The following CSPP1 variants were observed in gnomAD, a reference collection of about 807,000 sequenced individuals.
CSPP1 encodes the protein centrosome and spindle pole-associated protein 1.
A neutral mutation model predicts 164.4 loss-of-function variants in CSPP1; 126 were observed. That is an observed-to-expected ratio of 0.77 (90% confidence interval 0.66 to 0.89). The LOEUF is 0.89. Ranked by LOEUF, CSPP1 falls within the 40% of genes least tolerant of loss-of-function variation. CSPP1 has a pLI of 0.00. For missense variants in CSPP1, 1,395 were observed against 1,449.8 expected (o/e 0.96, Z 0.61); for synonymous variants, 472 against 476.7 (o/e 0.99, Z 0.13).
At chr8:67,126,900 A>G (rs1357019406) in intron 15 of CSPP1, among the ~76,000 whole-genome samples, 1 of 152,090 alleles carries the variant, frequency 6.6e-6, no homozygotes, top group African/African-American at 2.4e-5. Context: ...GTCTGGTAAA[A>G]TATAGGCTCT....
Position 67,137,455 on chromosome 8 carries a change from G to C in CSPP1, c.1828-1G>C. 6.7e-7 allele frequency: 1 copy of C among 1,497,420 alleles called. No homozygotes were observed. The highest frequency in any genetic ancestry group is 9.0e-7 in the Non-Finnish European group (1 of 1,105,584). The allele number at this position is 1,497,420 out of a possible 1,614,324, so 92.8% of individuals were successfully genotyped here. ...TTTTAAATATATCTTATGTTGTCAAGATTCGGGAAAGAGAAGAAAGAAGGA... is the reference window on the plus strand; with the variant it reads ...TTTTAAATATATCTTATGTTGTCAACATTCGGGAAAGAGAAGAAAGAAGGA... On this transcript the variant is annotated splice_acceptor_variant, in intron 16 of 30. Transcript: ENST00000678616. LOFTEE classifies it high-confidence loss of function.
chr8:67,093,156 A>G (rs1246402969), intron 5 of CSPP1, among the ~76,000 whole-genome samples: 1 of 152,236 alleles, frequency 6.6e-6, no homozygotes, highest in Non-Finnish European at 1.5e-5. Flanking sequence ...TTGGGAATCA[A>G]ACCTGGAATC....
At chr8:67,106,789 A>G (rs1486664901) in intron 9 of CSPP1, among the ~76,000 whole-genome samples, 1 of 152,226 alleles carries the variant, frequency 6.6e-6, no homozygotes, top group East Asian at 1.9e-4. Context: ...TGAAGAAATT[A>G]ACACTCTAGA....
intron 4 of CSPP1, among the ~76,000 whole-genome samples, chr8:67,086,621 G>T (rs960940563): frequency 7.2e-5 from 11 of 151,980 alleles, no homozygotes; most frequent in South Asian, 2.1e-4. Flanking sequence ...GCCAAAGTAA[G>T]GTTTATTGTA....
intron 7 of CSPP1, among the ~76,000 whole-genome samples, chr8:67,100,974 A>G (rs1813962275): frequency 6.6e-6 from 1 of 152,116 alleles, no homozygotes; most frequent in Non-Finnish European, 1.5e-5. Context: ...TCACAGTTAT[A>G]ATTTATTACA....
intron 27 of CSPP1, among the ~76,000 whole-genome samples, 174 bp downstream of exon 27, chr8:67,177,900 CATATT>C (rs1832081324): frequency 6.6e-6 from 1 of 152,062 alleles, no homozygotes; most frequent in Non-Finnish European, 1.5e-5. Context: ...ATATAGAAAA[CATATT>C]GTAATGGCTA....
rs761602177 is a variant in CSPP1 at position 67,190,713 on chromosome 8, C to T, written c.3284C>T (p.Pro1095Leu). The change falls in exon 29 of 31, where the codon CCC becomes CTC. Residue 1095 changes from proline (P) to leucine (L), a missense_variant. Coordinates refer to ENST00000678616, the MANE Select transcript of CSPP1 (RefSeq NM_001382391.1). Reference protein sequence around the residue: ...DDVLPPPSQLPSARERRRNKW... With the variant: ...DDVLPPPSQLLSARERRRNKW... Reference sequence around the variant, plus strand: ...GTCCTCCCTCCACCATCACAGTTGCCCTCTGCACGGGAGCGCAGGAGGAAC... The same window carrying T: ...GTCCTCCCTCCACCATCACAGTTGCTCTCTGCACGGGAGCGCAGGAGGAAC... The T allele has an allele frequency of 1.2e-6, 2 of 1,614,092 alleles. No homozygotes were observed. Among genetic ancestry groups the T allele is most frequent in the Non-Finnish European group, 1.7e-6 (2 of 1,180,004 alleles).
At chr8:67,159,961 CTTTTCTTTTCTTTTCTTTTCTT>C (rs1827839480) in intron 21 of CSPP1, among the ~76,000 whole-genome samples, 2 of 29,262 alleles carry the variant, frequency 6.8e-5, no homozygotes, top group South Asian at 1.4e-3. Flanking sequence ...TTCCTTCTTT[CTTTTCTTTTCTTTTCTTTTCTT>C]TTCTTTTCTT....
chr8:67,193,592 T>TATTA lies in CSPP1; in HGVS notation c.3462_3465dup (p.Thr1156Ter), dbSNP rs779436140. ...GACTGAATGAATTTCACAATAAACCTATTAATACAGGTAAATGACCAAGTG... is the reference window on the plus strand; with the variant it reads ...GACTGAATGAATTTCACAATAAACCTATTAATTAATACAGGTAAATGACCAAGTG... On this transcript the variant is annotated frameshift_variant, in exon 30 of 31. Transcript: ENST00000678616. LOFTEE classifies it high-confidence loss of function. The TATTA allele has an allele frequency of 6.2e-7, 1 of 1,613,244 alleles. No individual in the cohort carries two copies. The highest frequency in any genetic ancestry group is 8.5e-7 in the Non-Finnish European group (1 of 1,179,396).
rs185802478 is a variant in CSPP1 at position 67,185,558 on chromosome 8, G to A, written c.3221-5092G>A. On this transcript the variant is annotated intron_variant, in intron 28 of 30. Transcript: ENST00000678616. ...TCACCAGTGGTCTGTCGGTTGATGTGTGCTTCAGGGCCAGTGCATATTAGT... is the reference window on the plus strand; with the variant it reads ...TCACCAGTGGTCTGTCGGTTGATGTATGCTTCAGGGCCAGTGCATATTAGT... Among the ~76,000 whole-genome samples the A allele has an allele frequency of 2.5e-3, 375 of 152,344 alleles. 5 individuals carry two copies. Among genetic ancestry groups the A allele is most frequent in the Non-Finnish European group, 4.0e-3 (271 of 68,040 alleles).
chr8:67,077,337 T>C (rs1319223209), intron 3 of CSPP1, among the ~76,000 whole-genome samples: 1 of 148,256 alleles, frequency 6.7e-6, no homozygotes, highest in Non-Finnish European at 1.5e-5. Context: ...TATATATAAT[T>C]TTTTTTTTTT....
chr8:67,132,656 C>T (rs1821470151), intron 16 of CSPP1, among the ~76,000 whole-genome samples: 1 of 152,074 alleles, frequency 6.6e-6, no homozygotes, highest in Non-Finnish European at 1.5e-5. Context: ...ATCTAAGAGA[C>T]AATTCTCAGG....
Position 67,095,600 on chromosome 8 carries a change from A to G in CSPP1, c.791A>G (p.Asn264Ser). ...GIPDRRFHRF[N>S]EDRVFDRRYH... is the part of the protein sequence containing the mutation. ...CCAGATAGAAGATTTCACAGATTTA[A>G]TGAGGATCGTGTTTTTGATAGACGG... is the stretch of plus-strand genomic sequence containing the variant. Residue 264 changes from asparagine to serine, a missense_variant, in exon 7 of 31, where the codon AAT (asparagine) becomes AGT (serine). Coordinates refer to ENST00000678616, the MANE Select transcript of CSPP1 (RefSeq NM_001382391.1). 2 of 1,614,100 alleles carry G rather than the reference A, an allele frequency of 1.2e-6. No individual in the cohort carries two copies. The highest frequency in any genetic ancestry group is 1.7e-6 in the Non-Finnish European group (2 of 1,179,996).
rs376549634 is a variant in CSPP1, at chr8:67,158,499, C to T, written c.2294C>T (p.Ala765Val). ...EEAERERLRIAEEKEERRLAE... is the reference protein window; with the variant it reads ...EEAERERLRIVEEKEERRLAE... ...GCAGAGCGAGAGAGACTGAGAATTG[C>T]AGAAGAAAAAGAAGAAAGACGGCTT... Residue 765 changes from alanine (A) to valine (V), a missense_variant, in exon 20 of 31, where the codon GCA becomes GTA. By Grantham distance (64) the Ala-to-Val change is moderately conservative. Coordinates refer to ENST00000678616, the MANE Select transcript of CSPP1 (RefSeq NM_001382391.1). 4 of 1,612,126 alleles carry T rather than the reference C, an allele frequency of 2.5e-6. No homozygotes were observed. Among genetic ancestry groups the T allele is most frequent in the Non-Finnish European group, 3.4e-6 (4 of 1,178,964 alleles).
chr8:67,156,650 A>T (rs979865880), intron 19 of CSPP1, among the ~76,000 whole-genome samples: 1 of 151,980 alleles, frequency 6.6e-6, no homozygotes, highest in Admixed American at 6.6e-5. Context: ...AACTTTTGTT[A>T]AAAAAAATAT....
intron 17 of CSPP1, among the ~76,000 whole-genome samples, chr8:67,141,359 A>T (rs1019368718): frequency 3.9e-5 from 6 of 152,210 alleles, no homozygotes; most frequent in African/African-American, 1.2e-4. Context: ...AATTTTTAAT[A>T]GTAATGTTTA....
intron 28 of CSPP1, among the ~76,000 whole-genome samples, chr8:67,181,047 G>A (rs1191401809): frequency 6.7e-6 from 1 of 149,760 alleles, no homozygotes; most frequent in Non-Finnish European, 1.5e-5. Flanking sequence ...TTTTGTTGTT[G>A]CTGTTTTTGA....
chr8:67,163,652 A>T, intron 22 of CSPP1, 80 bp from the exon 23 acceptor site: 10 of 1,036,262 alleles, frequency 9.7e-6, no homozygotes, highest in Non-Finnish European at 1.5e-5. Context: ...TTACATATAA[A>T]TACTTCAAAA....
intron 19 of CSPP1, among the ~76,000 whole-genome samples, chr8:67,155,419 C>A (rs781250818): frequency 2.2e-4 from 34 of 152,200 alleles, no homozygotes; most frequent in Non-Finnish European, 2.1e-4. Flanking sequence ...TAAATAGATG[C>A]CCTCAAACAT....
Sources: gnomAD v4.1 joint callset for allele counts (sites outside exome capture counted in the v4.1 genomes callset) on GRCh38, gnomAD v4.1.1 for gene constraint, MANE v1.5 for transcripts, NCBI Gene and HGNC (gene_info 2026-07-23, HGNC 2026-07-21) for gene names.